Variants in TTC28 observed in about 807,000 individuals in gnomAD.
The protein encoded by TTC28 is tetratricopeptide repeat domain 28.
Under a neutral mutation model 198.0 loss-of-function variants are expected in TTC28, and 61 were observed. The observed-to-expected ratio is 0.31, with a 90% CI of 0.25 to 0.38. TTC28 has a LOEUF of 0.38. Among genes scored for constraint, TTC28 ranks in the 10% least tolerant of loss-of-function variants. The pLI, the probability that TTC28 is intolerant of heterozygous loss-of-function variation, is 1.00. For missense variants in TTC28, 2,678 were observed against 3,164.0 expected (o/e 0.85, Z 3.69); for synonymous variants, 1,171 against 1,297.8 (o/e 0.90, Z 2.10).
intron 2 of TTC28, among the ~76,000 whole-genome samples, chr22:28,385,927 G>A (rs2046575417): frequency 6.6e-6 from 1 of 151,994 alleles, no homozygotes; most frequent in Non-Finnish European, 1.5e-5. Context: ...CCTCCAGTAA[G>A]TCTGCCAAAA....
chr22:28,594,685 T>C (rs112992507), intron 2 of TTC28, among the ~76,000 whole-genome samples: 13 of 152,250 alleles, frequency 8.5e-5, no homozygotes, highest in African/African-American at 2.2e-4. Flanking sequence ...CTAGATATCA[T>C]TGCACTCCAA....
At chr22:28,590,049 A>AAAAAAAAAAAC in intron 2 of TTC28, among the ~76,000 whole-genome samples, 1 of 81,918 alleles carries the variant, frequency 1.2e-5, no homozygotes, top group Non-Finnish European at 3.8e-5. Flanking sequence ...AAAAAAAAAA[A>AAAAAAAAAAAC]AAAAAAAAAA....
At chr22:28,670,037 G>T (rs183292014) in intron 1 of TTC28, among the ~76,000 whole-genome samples, 5 of 145,212 alleles carry the variant, frequency 3.4e-5, no homozygotes, top group Non-Finnish European at 7.5e-5. Context: ...CCATAAAATG[G>T]CCATAGATGG....
At chr22:28,168,359 G>A (rs546312552) in intron 5 of TTC28, among the ~76,000 whole-genome samples, 1 of 152,266 alleles carries the variant, frequency 6.6e-6, no homozygotes, top group South Asian at 2.1e-4. Context: ...AGCCCGCATT[G>A]CCAAGTCAAT....
At chr22:28,445,729 A>C (rs1245554695) in intron 2 of TTC28, among the ~76,000 whole-genome samples, 2 of 152,290 alleles carry the variant, frequency 1.3e-5, no homozygotes, top group East Asian at 3.9e-4. Context: ...GAGTCTATTC[A>C]GATATCATAT....
intron 2 of TTC28, among the ~76,000 whole-genome samples, chr22:28,593,465 GTAGC>G (rs968543193): frequency 3.0e-5 from 4 of 132,798 alleles, no homozygotes; most frequent in Admixed American, 1.5e-4. Context: ...AGATAGGTAG[GTAGC>G]TAGGTAGGTA....
chr22:28,436,959 G>A (rs1040747709), intron 2 of TTC28, among the ~76,000 whole-genome samples: 4 of 152,200 alleles, frequency 2.6e-5, no homozygotes, highest in African/African-American at 9.6e-5. Context: ...ACAACACACT[G>A]AAAGTGAACA....
chr22:28,606,784 A>G (rs188197081), intron 2 of TTC28, among the ~76,000 whole-genome samples: 12 of 152,322 alleles, frequency 7.9e-5, no homozygotes, highest in African/African-American at 2.9e-4. Flanking sequence ...AATGGACTAT[A>G]TAATAACAAC....
At chr22:28,271,441 C>T (rs1176496268) in intron 5 of TTC28, among the ~76,000 whole-genome samples, 2 of 152,128 alleles carry the variant, frequency 1.3e-5, no homozygotes, top group African/African-American at 4.8e-5. Context: ...AAAGAAAACC[C>T]TTTACATGTA....
chr22:28,220,363 G>A (rs929438813), intron 5 of TTC28, among the ~76,000 whole-genome samples: 1 of 152,156 alleles, frequency 6.6e-6, no homozygotes. Flanking sequence ...AGGAGTCCAG[G>A]CATAGCTTCA....
At chr22:27,990,075 C>T in intron 20 of TTC28, 68 bp from the exon 21 acceptor site, 1 of 1,507,816 alleles carries the variant, frequency 6.6e-7, no homozygotes, top group Non-Finnish European at 8.9e-7. Flanking sequence ...AAGACTCGAC[C>T]CATTATTCTT....
chr22:27,996,299 G>C, intron 16 of TTC28, 40 bp from the exon 17 acceptor site: 1 of 1,541,264 alleles, frequency 6.5e-7, no homozygotes. Context: ...AGGGCAGCTG[G>C]AGACCCCCAG....
intron 2 of TTC28, among the ~76,000 whole-genome samples, chr22:28,420,772 G>T (rs1437257714): frequency 6.6e-6 from 1 of 151,856 alleles, no homozygotes; most frequent in African/African-American, 2.4e-5. Flanking sequence ...GCTAATTTTT[G>T]TATTTTTTAA....
intron 2 of TTC28, among the ~76,000 whole-genome samples, chr22:28,342,607 T>C (rs560590281): frequency 1.3e-5 from 2 of 152,282 alleles, no homozygotes; most frequent in African/African-American, 2.4e-5. Context: ...GGATAAAATA[T>C]ATATGTATGA....
At chr22:28,383,389 A>T (rs904899599) in intron 2 of TTC28, among the ~76,000 whole-genome samples, 72 of 152,252 alleles carry the variant, frequency 4.7e-4, no homozygotes, top group African/African-American at 1.6e-3. Context: ...ATTTCTACTT[A>T]TTATTTGTGA....
At chr22:28,546,556 T>C (rs1424325579) in intron 2 of TTC28, among the ~76,000 whole-genome samples, 1 of 152,184 alleles carries the variant, frequency 6.6e-6, no homozygotes, top group Non-Finnish European at 1.5e-5. Flanking sequence ...GTACAAACAC[T>C]ATGGCAAACA....
chr22:28,189,526 T>C (rs1924525995), intron 5 of TTC28, among the ~76,000 whole-genome samples: 1 of 151,550 alleles, frequency 6.6e-6, no homozygotes, highest in South Asian at 2.1e-4. Context: ...TAAGAAATTT[T>C]TTCCTAGAAA....
chr22:28,386,650 C>T (rs1016322634), intron 2 of TTC28, among the ~76,000 whole-genome samples: 1 of 151,984 alleles, frequency 6.6e-6, no homozygotes, highest in Non-Finnish European at 1.5e-5. Context: ...TAAAAAAATG[C>T]CTTGGGGTGA....
At chr22:28,428,724 C>T (rs1240419153) in intron 2 of TTC28, among the ~76,000 whole-genome samples, 5 of 151,750 alleles carry the variant, frequency 3.3e-5, no homozygotes, top group African/African-American at 4.8e-5. Context: ...CTGCAAGCTC[C>T]GCCTCCCGGG....
Sources: gnomAD v4.1 joint callset for allele counts (sites outside exome capture counted in the v4.1 genomes callset) on GRCh38, gnomAD v4.1.1 for gene constraint, MANE v1.5 for transcripts, NCBI Gene and HGNC (gene_info 2026-07-23, HGNC 2026-07-21) for gene names.